ANXA6: variants seen among roughly 807,000 people sequenced by gnomAD.
ANXA6 encodes the protein 67 kDa calelectrin.
ANXA6 carries 71 observed loss-of-function variants against 95.4 expected under a neutral mutation model. That is an observed-to-expected ratio of 0.74 (90% CI 0.61 to 0.91). The LOEUF is 0.91. Ranked by LOEUF, ANXA6 falls within the 40% of genes least tolerant of loss-of-function variation. The pLI, the probability that ANXA6 is intolerant of heterozygous loss-of-function variation, is 0.00. For synonymous variants in ANXA6, 289 were observed against 315.9 expected, an observed-to-expected ratio of 0.91 and a Z score of 0.90; for missense variants, 830 against 876.4, an observed-to-expected ratio of 0.95 and a Z score of 0.67.
chr5:151,136,626 C>T (rs1012292009), intron 6 of ANXA6, among the ~76,000 whole-genome samples: 2 of 152,142 alleles, frequency 1.3e-5, no homozygotes, highest in African/African-American at 4.8e-5. Context: ...AATTCCTTTC[C>T]AACCCACGGC....
intron 7 of ANXA6, among the ~76,000 whole-genome samples, chr5:151,135,910 C>T (rs1232851715): frequency 2.0e-5 from 3 of 152,248 alleles, no homozygotes; most frequent in East Asian, 1.9e-4. Flanking sequence ...ATACTTTGGG[C>T]GGGCGGTGAG....
intron 17 of ANXA6, 42 bp downstream of exon 17, chr5:151,122,105 T>A (rs773408401): frequency 7.5e-7 from 1 of 1,332,224 alleles, no homozygotes; most frequent in Non-Finnish European, 1.0e-6. Context: ...TGTATCCCTA[T>A]TGGCACCCGC....
chr5:151,119,345 G>T lies in ANXA6; in HGVS notation c.1393C>A (p.Arg465=), dbSNP rs768920594. The T allele has an allele frequency of 6.2e-7, 1 of 1,613,660 alleles. No individual in the cohort carries two copies. Among genetic ancestry groups the T allele is most frequent in the Non-Finnish European group, 8.5e-7 (1 of 1,179,866 alleles). The part of the protein sequence containing the change: ...EKALIEILAT[R]TNAEIRAINE... The stretch of plus-strand genomic sequence containing the variant: ...ATGGCCCGGATTTCAGCATTGGTCC[G>T]AGTGGCCAGGATTTCAATAAGAGCC... Residue 465 remains arginine (R), a synonymous_variant, in exon 18 of 26, where the codon CGG becomes AGG. Coordinates refer to ENST00000354546, the MANE Select transcript of ANXA6 (RefSeq NM_001155.5).
intron 20 of ANXA6, among the ~76,000 whole-genome samples, chr5:151,111,209 C>A (rs1764838702): frequency 6.6e-6 from 1 of 152,200 alleles, no homozygotes; most frequent in African/African-American, 2.4e-5. Flanking sequence ...AGTCATTTTA[C>A]AAGGGTTACT....
At chr5:151,147,772 C>T (rs1411030340) in intron 2 of ANXA6, 112 bp downstream of exon 2, 2 of 1,252,520 alleles carry the variant, frequency 1.6e-6, no homozygotes, top group East Asian at 5.1e-5. Context: ...ACCTTTCCTC[C>T]TTTTTTCAAG....
At chr5:151,108,400 G>C (rs951962886) in intron 23 of ANXA6, 55 bp downstream of exon 23, 11 of 1,490,338 alleles carry the variant, frequency 7.4e-6, no homozygotes, top group Non-Finnish European at 1.0e-5. Flanking sequence ...TTCTTCCAGA[G>C]AATCTGTTCA....
At chr5:151,143,373 G>A (rs892160153) in intron 2 of ANXA6, among the ~76,000 whole-genome samples, 8 of 152,054 alleles carry the variant, frequency 5.3e-5, no homozygotes, top group African/African-American at 1.9e-4. Flanking sequence ...TTGCCTCTAT[G>A]CCATTTCGAC....
At chr5:151,110,440 A>G (rs1250166494) in intron 21 of ANXA6, among the ~76,000 whole-genome samples, 187 bp downstream of exon 21, 1 of 152,206 alleles carries the variant, frequency 6.6e-6, no homozygotes, top group African/African-American at 2.4e-5. Flanking sequence ...ATCGTGCCAG[A>G]GATGATTAGC....
chr5:151,123,866 C>T (rs552111785), intron 15 of ANXA6, among the ~76,000 whole-genome samples: 3 of 119,920 alleles, frequency 2.5e-5, no homozygotes, highest in South Asian at 5.1e-4. Context: ...CACACTCCCA[C>T]CACAGAATGA....
intron 4 of ANXA6, 89 bp from the exon 5 acceptor site, chr5:151,138,880 G>T (rs1765745391): frequency 1.1e-6 from 1 of 878,926 alleles, no homozygotes; most frequent in Non-Finnish European, 1.9e-6. Flanking sequence ...CACTTACTCT[G>T]GCAGGTGCTG....
At chr5:151,108,334 C>T (rs773951493) in intron 23 of ANXA6, 121 bp downstream of exon 23, 107 of 901,018 alleles carry the variant, frequency 1.2e-4, no homozygotes, top group Non-Finnish European at 1.5e-4. Flanking sequence ...CCCCTGGAGG[C>T]GAACTGTGAC....
intron 25 of ANXA6, among the ~76,000 whole-genome samples, chr5:151,102,118 G>A (rs1581971044): frequency 6.6e-6 from 1 of 152,228 alleles, no homozygotes; most frequent in Non-Finnish European, 1.5e-5. Context: ...TCAGACTGGG[G>A]AGGCCAAACT....
chr5:151,103,767 C>G (rs1764614827), intron 24 of ANXA6, 75 bp from the exon 25 acceptor site: 4 of 1,489,702 alleles, frequency 2.7e-6, no homozygotes, highest in Non-Finnish European at 3.6e-6. Flanking sequence ...ACAGTGGTAT[C>G]CCATCTGCCT....
chr5:151,116,628 T>A (rs535004510), intron 20 of ANXA6, among the ~76,000 whole-genome samples: 26 of 152,344 alleles, frequency 1.7e-4, no homozygotes, highest in African/African-American at 6.0e-4. Context: ...TTTGGATATA[T>A]CAGTGAACAA....
At chr5:151,116,313 G>A (rs1764996073) in intron 20 of ANXA6, among the ~76,000 whole-genome samples, 1 of 152,182 alleles carries the variant, frequency 6.6e-6, no homozygotes, top group Non-Finnish European at 1.5e-5. Flanking sequence ...ACAGCTTTTG[G>A]GGGCGGGAAA....
chr5:151,144,935 A>G (rs1198339724), intron 2 of ANXA6, among the ~76,000 whole-genome samples: 2 of 152,058 alleles, frequency 1.3e-5, no homozygotes, highest in East Asian at 3.9e-4. Context: ...ATCCAGGCCC[A>G]GGCTTCCCAC....
At chr5:151,156,968 C>T (rs1035223812) in intron 1 of ANXA6, among the ~76,000 whole-genome samples, 10 of 152,182 alleles carry the variant, frequency 6.6e-5, no homozygotes, top group African/African-American at 2.4e-4. Context: ...GGGTATTTTG[C>T]TCCCATGCTG....
rs770230327 is a variant in ANXA6 at position 151,100,947 on chromosome 5, A to G, written c.*501T>C. The G allele has an allele frequency of 1.5e-5, 7 of 456,642 alleles. No individual in the cohort carries two copies. The highest frequency in any genetic ancestry group is 3.1e-5 in the Non-Finnish European group (7 of 227,324). The allele number at this position is 456,642 out of a possible 1,614,324, so 28.3% of individuals were successfully genotyped here. A position where few individuals can be genotyped will look rare whatever the true frequency, so the allele number is the denominator to read the frequency against. On this transcript the variant is annotated 3_prime_UTR_variant, in exon 26 of 26. Coordinates refer to ENST00000354546, the MANE Select transcript of ANXA6 (RefSeq NM_001155.5). Reference sequence around the variant, plus strand: ...ACCCAGGCATCCAAATTCCTGGTCCAGTACTCTAGCGCGGCCTGGATGGAG... The same window carrying G: ...ACCCAGGCATCCAAATTCCTGGTCCGGTACTCTAGCGCGGCCTGGATGGAG...
chr5:151,133,680 A>T (rs745969862), intron 8 of ANXA6, among the ~76,000 whole-genome samples: 1 of 152,240 alleles, frequency 6.6e-6, no homozygotes, highest in Non-Finnish European at 1.5e-5. Context: ...ATCATTAACC[A>T]AAACACCATT....
Sources: gnomAD v4.1 joint callset for allele counts (sites outside exome capture counted in the v4.1 genomes callset) on GRCh38, gnomAD v4.1.1 for gene constraint, MANE v1.5 for transcripts, NCBI Gene and HGNC (gene_info 2026-07-23, HGNC 2026-07-21) for gene names.